The following C5 variants were observed in gnomAD, a reference collection of about 807,000 sequenced individuals.
The protein encoded by C5 is C3 and PZP-like alpha-2-macroglobulin domain-containing protein 4.
In C5, 140 loss-of-function variants were observed where a neutral mutation model predicts 218.8. That is an observed-to-expected ratio of 0.64 (90% CI 0.56 to 0.74). The LOEUF (loss-of-function observed/expected upper bound fraction) is 0.74. Ranked by LOEUF, C5 falls within the 30% of genes least tolerant of loss-of-function variation. The pLI is 0.00. For missense variants in C5, 1,700 were observed against 1,969.6 expected (o/e 0.86, Z 2.59); for synonymous variants, 614 against 682.3 (o/e 0.90, Z 1.56).
At chr9:121,044,948 C>CT (rs1158658235) in intron 2 of C5, among the ~76,000 whole-genome samples, 2,276 of 127,768 alleles carry the variant, frequency 0.018, 55 homozygotes, top group African/African-American at 0.049. Context: ...GTAACACTTT[C>CT]TTTTTTTTTT....
rs2047061693 is a variant in C5 at position 120,989,675 on chromosome 9, A to T, written c.3047T>A (p.Val1016Asp). 6.2e-7 allele frequency: 1 copy of T among 1,613,774 alleles called. No homozygotes were observed. The highest frequency in any genetic ancestry group is 1.1e-5 in the South Asian group (1 of 91,062). Residue 1016 changes from valine to aspartate, a missense_variant, in exon 24 of 41, where the codon GTC (valine) becomes GAC (aspartate). Val to Asp is a radical substitution (Grantham distance 152, BLOSUM62 -3). Transcript: ENST00000223642. ...GTAGTGAAAAACATAGAATACTGGGACAACGCTCATCAGCTCCGCCTCTGC... is the reference window on the plus strand; with the variant it reads ...GTAGTGAAAAACATAGAATACTGGGTCAACGCTCATCAGCTCCGCCTCTGC... The part of the protein sequence containing the change: ...GSAEAELMSV[V>D]PVFYVFHYLE...
chr9:120,994,978 T>TA (rs1316103263), intron 22 of C5, among the ~76,000 whole-genome samples: 1 of 150,716 alleles, frequency 6.6e-6, no homozygotes, highest in African/African-American at 2.4e-5. Context: ...TGAGGCTTGA[T>TA]ATAATTGCAT....
At chr9:120,965,524 A>ATAAATAAG (rs1029171417) in intron 33 of C5, among the ~76,000 whole-genome samples, 9 of 78,958 alleles carry the variant, frequency 1.1e-4, no homozygotes, top group Non-Finnish European at 2.0e-4. Flanking sequence ...TGCCTCAAAA[A>ATAAATAAG]TAAATAAATA....
chr9:120,988,391 T>C (rs1307728341), intron 25 of C5, among the ~76,000 whole-genome samples: 1 of 152,080 alleles, frequency 6.6e-6, no homozygotes, highest in Non-Finnish European at 1.5e-5. Flanking sequence ...CATTATGATA[T>C]AGCAGAGGCC....
At chr9:120,998,301 T>A (rs1311708559) in intron 20 of C5, among the ~76,000 whole-genome samples, 1 of 152,256 alleles carries the variant, frequency 6.6e-6, no homozygotes, top group African/African-American at 2.4e-5. Flanking sequence ...AAGTCAACAC[T>A]GTCTCAGAAA....
At chr9:121,072,812 T>TAAAAAAA in the C5 span, among the ~76,000 whole-genome samples, 4 of 98,594 alleles carry the variant, frequency 4.1e-5, no homozygotes, top group Admixed American at 1.1e-4. Context: ...TTCAAAAAAT[T>TAAAAAAA]AAAAAAAAAA....
intron 12 of C5, among the ~76,000 whole-genome samples, chr9:121,018,669 A>C: frequency 7.8e-6 from 1 of 127,646 alleles, no homozygotes. Context: ...GAAGGAAGGA[A>C]GGAAGGAAAG....
intron 3 of C5, among the ~76,000 whole-genome samples, chr9:121,040,583 T>C (rs1055183813): frequency 6.6e-6 from 1 of 152,258 alleles, no homozygotes; most frequent in Non-Finnish European, 1.5e-5. Context: ...AATATGGCTT[T>C]GTGCTATTCC....
At position 121,037,823 on chromosome 9, in the gene C5, T is replaced by C. The variant is rs1028750036; in HGVS notation, c.492+58A>G. On this transcript the variant is annotated intron_variant, in intron 4 of 40. Coordinates refer to ENST00000223642, the MANE Select transcript of C5 (RefSeq NM_001735.3). ...GTAGTGTGAGGACAGGGTTATGAAA[T>C]GAGATTCTTGTCCTGAAAAATGAAT... 2.1e-5 allele frequency: 16 copies of C among 774,634 alleles called. No homozygotes were observed. In the Admixed American group the frequency reaches 3.0e-4, roughly 14 times the overall value. 48.0% of individuals were successfully genotyped at this position (774,634 alleles called of 1,614,324 possible). A position where few individuals can be genotyped will look rare whatever the true frequency, so the allele number is the denominator to read the frequency against.
chr9:120,990,700 C>G (rs905843874), intron 23 of C5, among the ~76,000 whole-genome samples: 1 of 152,192 alleles, frequency 6.6e-6, no homozygotes, highest in African/African-American at 2.4e-5. Flanking sequence ...TCTTGGACTT[C>G]CCAGCCTCCA....
At chr9:120,972,279 G>A (rs990021971) in intron 30 of C5, among the ~76,000 whole-genome samples, 1 of 152,114 alleles carries the variant, frequency 6.6e-6, no homozygotes, top group Admixed American at 6.6e-5. Flanking sequence ...TTTACATATG[G>A]CTATGGTAAA....
chr9:121,013,016 G>A (rs891610299), intron 17 of C5, among the ~76,000 whole-genome samples: 11 of 152,124 alleles, frequency 7.2e-5, no homozygotes, highest in African/African-American at 2.2e-4. Flanking sequence ...GCTTTTGCTT[G>A]TTTTGTTAAA....
At chr9:121,022,764 C>T (rs2047377425) in intron 10 of C5, among the ~76,000 whole-genome samples, 2 of 151,350 alleles carry the variant, frequency 1.3e-5, no homozygotes, top group African/African-American at 2.4e-5. Flanking sequence ...CTAAAAACCA[C>T]ATGAATGTTT....
chr9:120,997,301 T>C (rs916958441), intron 21 of C5, among the ~76,000 whole-genome samples: 2 of 152,200 alleles, frequency 1.3e-5, no homozygotes, highest in Non-Finnish European at 1.5e-5. Flanking sequence ...TTTATTTATC[T>C]GTCGTTTTTC....
In C5 at chr9:120,974,862, C is replaced by T. The variant is rs759623182; in HGVS notation, c.3934G>A (p.Asp1312Asn). 1 of 1,613,960 alleles carries T rather than the reference C, an allele frequency of 6.2e-7. No individual in the cohort carries two copies. Among genetic ancestry groups the T allele is most frequent in the Non-Finnish European group, 8.5e-7 (1 of 1,179,798 alleles). ...LLVKQLRLSM[D>N]IDVSYKHKGA... The stretch of plus-strand genomic sequence containing the variant: ...TTATGCTTGTAAGAAACATCGATGT[C>T]CATACTCAAGCGGAGTTGTTTAACC... Residue 1312 changes from aspartate (D) to asparagine (N), a missense_variant, in exon 30 of 41, where the codon GAC becomes AAC. Transcript: ENST00000223642.
intron 20 of C5, among the ~76,000 whole-genome samples, chr9:121,000,745 G>A (rs551829591): frequency 1.3e-5 from 2 of 152,268 alleles, no homozygotes; most frequent in South Asian, 2.1e-4. Context: ...ATGGCGTGTC[G>A]CAGAGGTTTG....
At chr9:121,000,041 A>G (rs2047147926) in intron 20 of C5, 1 of 279,976 alleles carries the variant, frequency 3.6e-6, no homozygotes. Context: ...CCTGGGCGAC[A>G]GGGCGAGACT....
In C5 at chr9:120,972,317, T is replaced by C. The variant is rs185827232; in HGVS notation, c.4018-325A>G. Among the ~76,000 whole-genome samples the C allele has an allele frequency of 1.4e-3, 215 of 152,336 alleles. 2 individuals are homozygous for C. The highest frequency in any genetic ancestry group is 2.4e-4 in the Non-Finnish European group (16 of 68,034). On this transcript the variant is annotated intron_variant, in intron 30 of 40. Coordinates refer to ENST00000223642, the MANE Select transcript of C5 (RefSeq NM_001735.3). Reference sequence around the variant, plus strand: ...TGGATCTTCATCTCCTTTTGCCAACTGAATAAATTCCTTTCTGTGCCTAGC... The same window carrying C: ...TGGATCTTCATCTCCTTTTGCCAACCGAATAAATTCCTTTCTGTGCCTAGC...
rs1324377112 is a variant in C5, at chr9:121,023,484, T to C, written c.1036A>G (p.Lys346Glu). Reference protein sequence around the residue: ...FSEEAEIPGIKYVLSPYKLNL... With the variant: ...FSEEAEIPGIEYVLSPYKLNL... ...AGTTTGTAGGGAGAGAGGACATATT[T>C]GATGCCAGGTATTTCTGCCTCTTCA... Residue 346 changes from lysine (K) to glutamate (E), a missense_variant, in exon 10 of 41, where the codon AAA (lysine) becomes GAA (glutamate). Lys to Glu is a moderately conservative substitution (Grantham distance 56). Transcript: ENST00000223642. 5.0e-6 allele frequency: 8 copies of C among 1,613,658 alleles called. No individual in the cohort carries two copies. Among genetic ancestry groups the C allele is most frequent in the Non-Finnish European group, 6.8e-6 (8 of 1,179,650 alleles).
Sources: allele counts gnomAD v4.1 joint callset (sites outside exome capture counted in the v4.1 genomes callset), GRCh38; gene constraint gnomAD v4.1.1; transcripts MANE v1.5; gene names NCBI Gene and HGNC (gene_info 2026-07-23, HGNC 2026-07-21).